ELOVL2: variants seen among roughly 807,000 people sequenced by gnomAD.
ELOVL2 encodes the protein ELOVL fatty acid elongase 2.
Under a neutral mutation model 37.7 loss-of-function variants are expected in ELOVL2, and 38 were observed. The ratio of observed to expected loss-of-function variants is 1.01; its 90% CI spans 0.78 to 1.32. The LOEUF (loss-of-function observed/expected upper bound fraction) is 1.32, where lower values mean the gene tolerates loss of function less well. Ranked by LOEUF, ELOVL2 falls within the 40% of genes most tolerant of loss-of-function variation. The pLI, the probability that ELOVL2 is intolerant of heterozygous loss-of-function variation, is 0.00. For missense variants in ELOVL2, 352 were observed against 363.6 expected, an observed-to-expected ratio of 0.97 and a Z score of 0.26; for synonymous variants, 115 against 122.3, an observed-to-expected ratio of 0.94 and a Z score of 0.40.
intron 7 of ELOVL2, 91 bp from the exon 8 acceptor site, chr6:10,983,997 G>A: frequency 3.3e-6 from 4 of 1,197,082 alleles, no homozygotes; most frequent in Non-Finnish European, 4.6e-6. Context: ...AACAGTATGT[G>A]ATTTTGTTGG....
chr6:11,021,434 G>T (rs1782764213), intron 1 of ELOVL2, among the ~76,000 whole-genome samples: 1 of 152,170 alleles, frequency 6.6e-6, no homozygotes, highest in African/African-American at 2.4e-5. Context: ...GTCCACTTTT[G>T]ACCTCTTTTT....
chr6:10,994,923 C>G, intron 5 of ELOVL2, 84 bp downstream of exon 5: 1 of 1,135,288 alleles, frequency 8.8e-7, no homozygotes, highest in Non-Finnish European at 1.2e-6. Context: ...CTCTCCTGAT[C>G]TGCATGCGAT....
At chr6:10,985,570 A>G (rs995039986) in intron 7 of ELOVL2, among the ~76,000 whole-genome samples, 8 of 151,594 alleles carry the variant, frequency 5.3e-5, no homozygotes, top group African/African-American at 1.9e-4. Context: ...ACATATGGCT[A>G]GCCAGTTTTC....
At chr6:11,032,342 CAAAAAAAAA>C (rs4053074) in intron 1 of ELOVL2, among the ~76,000 whole-genome samples, 2 of 119,188 alleles carry the variant, frequency 1.7e-5, no homozygotes, top group African/African-American at 3.0e-5. Flanking sequence ...GTTTCCTATA[CAAAAAAAAA>C]AAAAAAAAAA....
chr6:10,997,339 C>T (rs1353086205), intron 4 of ELOVL2, among the ~76,000 whole-genome samples: 1 of 152,138 alleles, frequency 6.6e-6, no homozygotes, highest in African/African-American at 2.4e-5. Context: ...ATTCTGTTGT[C>T]TATCAACATT....
intron 1 of ELOVL2, among the ~76,000 whole-genome samples, chr6:11,026,815 T>C (rs569881963): frequency 1.3e-5 from 2 of 152,340 alleles, no homozygotes; most frequent in African/African-American, 4.8e-5. Context: ...CATAGCTATA[T>C]GGAGTATTAT....
intron 1 of ELOVL2, among the ~76,000 whole-genome samples, chr6:11,023,532 A>T (rs1782797981): frequency 1.3e-5 from 2 of 152,218 alleles, no homozygotes; most frequent in African/African-American, 4.8e-5. Flanking sequence ...AATCAAAAGG[A>T]TTATTATTTT....
At chr6:11,042,303 A>G (rs944607673) in intron 1 of ELOVL2, among the ~76,000 whole-genome samples, 1 of 151,936 alleles carries the variant, frequency 6.6e-6, no homozygotes, top group African/African-American at 2.4e-5. Context: ...ACAGAGTGAG[A>G]CCCTGCCACA....
intron 2 of ELOVL2, among the ~76,000 whole-genome samples, chr6:11,006,528 G>C (rs900334640): frequency 8.5e-5 from 13 of 152,166 alleles, no homozygotes; most frequent in Admixed American, 7.8e-4. Flanking sequence ...TAGTGAGCTG[G>C]TTTCACCAAC....
intron 7 of ELOVL2, among the ~76,000 whole-genome samples, chr6:10,989,482 A>C (rs1341821851): frequency 2.6e-5 from 4 of 152,204 alleles, no homozygotes. Context: ...GCGAAACCCC[A>C]TCTGTACTAA....
chr6:11,000,615 CAG>C (rs1311561509), intron 3 of ELOVL2, among the ~76,000 whole-genome samples: 1 of 147,112 alleles, frequency 6.8e-6, no homozygotes, highest in East Asian at 1.9e-4. Flanking sequence ...ATATTAAAAA[CAG>C]GGTTCAGTAA....
At chr6:11,018,472 C>T (rs750813518) in intron 1 of ELOVL2, among the ~76,000 whole-genome samples, 3 of 152,302 alleles carry the variant, frequency 2.0e-5, no homozygotes, top group Non-Finnish European at 2.9e-5. Context: ...TATGGAGACA[C>T]CATCTTTATG....
chr6:11,014,216 C>T (rs1044736380), intron 1 of ELOVL2, among the ~76,000 whole-genome samples: 11 of 152,202 alleles, frequency 7.2e-5, no homozygotes, highest in Non-Finnish European at 1.5e-4. Context: ...CATAAACATA[C>T]ACCTACCATA....
intron 1 of ELOVL2, chr6:11,043,860 G>A (rs1468199097): frequency 5.1e-6 from 1 of 196,722 alleles, no homozygotes; most frequent in African/African-American, 2.3e-5. Context: ...GGTGGGCTGC[G>A]CGCGGGAATG....
chr6:10,983,701 A>G lies in ELOVL2; in HGVS notation c.*80T>C, dbSNP rs1280858740. 1.4e-6 allele frequency: 2 copies of G among 1,444,080 alleles called. No individual in the cohort carries two copies. The highest frequency in any genetic ancestry group is 1.9e-6 in the Non-Finnish European group (2 of 1,077,496). The allele number at this position is 1,444,080 out of a possible 1,614,324, so 89.5% of individuals were successfully genotyped here. A position where few individuals can be genotyped will look rare whatever the true frequency, so the allele number is the denominator to read the frequency against. Reference sequence around the variant, plus strand: ...AAAAGAAATTAGTTTATCCTAAAACATGTAACCTTCAATTCAGTCTTTGCT... The same window carrying G: ...AAAAGAAATTAGTTTATCCTAAAACGTGTAACCTTCAATTCAGTCTTTGCT... On this transcript the variant is annotated 3_prime_UTR_variant, in exon 8 of 8. Coordinates refer to ENST00000354666, the MANE Select transcript of ELOVL2 (RefSeq NM_017770.4).
intron 3 of ELOVL2, among the ~76,000 whole-genome samples, chr6:11,001,063 G>A (rs899037834): frequency 1.1e-4 from 16 of 152,200 alleles, no homozygotes; most frequent in African/African-American, 3.1e-4. Context: ...AAAGGCCTAC[G>A]ATTTAATATT....
chr6:11,037,232 A>G (rs2113567105), intron 1 of ELOVL2, among the ~76,000 whole-genome samples: 1 of 150,668 alleles, frequency 6.6e-6, no homozygotes, highest in African/African-American at 2.4e-5. Context: ...GAGGAGAGAG[A>G]CAGAGGAGGC....
chr6:11,007,399 A>G (rs922609628), intron 2 of ELOVL2, among the ~76,000 whole-genome samples: 48 of 152,352 alleles, frequency 3.2e-4, no homozygotes, highest in African/African-American at 1.1e-3. Context: ...ATACAAGGAC[A>G]AAAGAGAAGA....
chr6:10,991,541 C>A (rs1169028710), intron 5 of ELOVL2, among the ~76,000 whole-genome samples: 1 of 152,208 alleles, frequency 6.6e-6, no homozygotes, highest in African/African-American at 2.4e-5. Context: ...AAGCACCGCA[C>A]ATATGCTGGC....
Sources: allele counts gnomAD v4.1 joint callset (sites outside exome capture counted in the v4.1 genomes callset), GRCh38; gene constraint gnomAD v4.1.1; transcripts MANE v1.5; gene names NCBI Gene and HGNC (gene_info 2026-07-23, HGNC 2026-07-21).